The following SNX7 variants were observed in gnomAD, a reference collection of about 807,000 sequenced individuals.
SNX7 encodes sorting nexin 7.
Under a neutral mutation model 48.4 loss-of-function variants are expected in SNX7, and 35 were observed. The ratio of observed to expected loss-of-function variants is 0.72; its 90% confidence interval spans 0.55 to 0.96. The LOEUF is 0.96. SNX7 is among the 40% of genes least tolerant of loss of function. The probability of loss-of-function intolerance (pLI) is 0.00; values close to 1 mark genes in which losing one functional copy is unlikely to be tolerated. For synonymous variants in SNX7, 190 were observed against 190.2 expected (o/e 1.00, Z 0.01); for missense variants, 553 against 548.9 (o/e 1.01, Z -0.07).
chr1:98,736,845 TC>T (rs1279619119), intron 7 of SNX7, among the ~76,000 whole-genome samples: 3 of 152,208 alleles, frequency 2.0e-5, no homozygotes, highest in Non-Finnish European at 4.4e-5. Flanking sequence ...CATTTTAGCA[TC>T]TTGAAATGGG....
chr1:98,677,990 CGTGTGTGT>C (rs56259822), intron 1 of SNX7, among the ~76,000 whole-genome samples: 5,139 of 141,832 alleles, frequency 0.036, 255 homozygotes, highest in African/African-American at 0.11. Context: ...TGTGTGTGTG[CGTGTGTGT>C]GTGTGTGTGT....
At chr1:98,692,141 A>T (rs901889108) in intron 4 of SNX7, among the ~76,000 whole-genome samples, 1 of 152,080 alleles carries the variant, frequency 6.6e-6, no homozygotes, top group African/African-American at 2.4e-5. Context: ...AAACTTAACT[A>T]CTAGTAGCCT....
intron 7 of SNX7, among the ~76,000 whole-genome samples, chr1:98,717,516 C>T (rs894430139): frequency 2.0e-5 from 3 of 152,128 alleles, no homozygotes; most frequent in Non-Finnish European, 4.4e-5. Context: ...GCAGAAACCG[C>T]TATATCTAAT....
At chr1:98,689,172 G>A (rs1053647616) in intron 2 of SNX7, among the ~76,000 whole-genome samples, 1 of 152,202 alleles carries the variant, frequency 6.6e-6, no homozygotes, top group South Asian at 2.1e-4. Flanking sequence ...CAAAATGCTG[G>A]GATTACAGGC....
intron 8 of SNX7, among the ~76,000 whole-genome samples, chr1:98,748,026 G>T (rs923536774): frequency 6.7e-6 from 1 of 149,656 alleles, no homozygotes; most frequent in Non-Finnish European, 1.5e-5. Flanking sequence ...GCCCAGGCTG[G>T]AGTGCAGTGC....
chr1:98,685,172 T>C (rs570489501), intron 2 of SNX7, 105 bp downstream of exon 2: 8 of 694,328 alleles, frequency 1.2e-5, no homozygotes, highest in Non-Finnish European at 1.7e-5. Flanking sequence ...AGATCTTAGC[T>C]GAATTGACTT....
intron 8 of SNX7, among the ~76,000 whole-genome samples, chr1:98,748,452 C>A (rs1225874749): frequency 1.3e-5 from 2 of 151,952 alleles, no homozygotes; most frequent in Admixed American, 1.3e-4. Context: ...CTTTGGGCTA[C>A]ATAAGTTTTT....
intron 7 of SNX7, among the ~76,000 whole-genome samples, chr1:98,717,074 A>G (rs768521038): frequency 2.6e-5 from 4 of 152,046 alleles, no homozygotes; most frequent in Non-Finnish European, 4.4e-5. Flanking sequence ...TTTGAAATAC[A>G]TAGAGTTATA....
At chr1:98,714,257 G>T (rs188261337) in intron 7 of SNX7, among the ~76,000 whole-genome samples, 1 of 152,248 alleles carries the variant, frequency 6.6e-6, no homozygotes, top group African/African-American at 2.4e-5. Context: ...CATCTATTTA[G>T]TACATGTTGT....
intron 1 of SNX7, among the ~76,000 whole-genome samples, chr1:98,670,871 TTTATTTA>T (rs1649824049): frequency 1.8e-3 from 1 of 558 alleles, no homozygotes; most frequent in Non-Finnish European, 3.2e-3. Context: ...GACAGTGAGT[TTTATTTA>T]TTTATTTATT....
chr1:98,687,167 T>C (rs982849611), intron 2 of SNX7, among the ~76,000 whole-genome samples: 3 of 152,186 alleles, frequency 2.0e-5, no homozygotes, highest in African/African-American at 7.2e-5. Context: ...AACGTAGATA[T>C]TATGATTTAC....
chr1:98,747,521 A>G (rs536756949), intron 8 of SNX7, among the ~76,000 whole-genome samples: 2 of 152,300 alleles, frequency 1.3e-5, no homozygotes, highest in Admixed American at 6.5e-5. Flanking sequence ...GGCCAGTAAG[A>G]CCATTTAATG....
chr1:98,705,381 AG>A (rs1196510391), intron 7 of SNX7, among the ~76,000 whole-genome samples: 2 of 152,170 alleles, frequency 1.3e-5, no homozygotes, highest in Non-Finnish European at 2.9e-5. Flanking sequence ...ACCCAGGACA[AG>A]TTTTCTAACT....
intron 1 of SNX7, 133 bp from the exon 2 acceptor site, chr1:98,684,752 A>T: frequency 1.8e-6 from 1 of 542,904 alleles, no homozygotes; most frequent in Non-Finnish European, 3.0e-6. Flanking sequence ...ATACATGTTC[A>T]GTATACCACA....
chr1:98,753,680 G>A (rs888170960), intron 8 of SNX7, among the ~76,000 whole-genome samples: 1 of 152,082 alleles, frequency 6.6e-6, no homozygotes, highest in Non-Finnish European at 1.5e-5. Flanking sequence ...ATACAAGATT[G>A]TGTATGGGTT....
chr1:98,711,259 C>G (rs936280964), intron 7 of SNX7, among the ~76,000 whole-genome samples: 3 of 152,094 alleles, frequency 2.0e-5, no homozygotes, highest in Non-Finnish European at 4.4e-5. Context: ...CTCAAGTGAT[C>G]CGCCTGCCTT....
intron 8 of SNX7, among the ~76,000 whole-genome samples, chr1:98,740,463 A>G (rs1654016977): frequency 6.6e-6 from 1 of 152,206 alleles, no homozygotes; most frequent in Non-Finnish European, 1.5e-5. Flanking sequence ...AATGATTACA[A>G]AACCTAAGTA....
chr1:98,684,080 G>A (rs1428407728), intron 1 of SNX7, among the ~76,000 whole-genome samples: 2 of 152,090 alleles, frequency 1.3e-5, no homozygotes, highest in Non-Finnish European at 2.9e-5. Context: ...GGTTCTTGGT[G>A]CCTCCAATTC....
At chr1:98,714,305 C>T (rs905643747) in intron 7 of SNX7, among the ~76,000 whole-genome samples, 6 of 152,064 alleles carry the variant, frequency 3.9e-5, no homozygotes, top group African/African-American at 7.2e-5. Context: ...ATATATCAGC[C>T]AATGTCTAAT....
Sources: gnomAD v4.1 joint callset for allele counts (sites outside exome capture counted in the v4.1 genomes callset) on GRCh38, gnomAD v4.1.1 for gene constraint, MANE v1.5 for transcripts, NCBI Gene and HGNC (gene_info 2026-07-23, HGNC 2026-07-21) for gene names.